The following KRIT1 variants were observed in gnomAD, a reference collection of about 807,000 sequenced individuals.
KRIT1 encodes KRIT1 ankyrin repeat containing, also known as krev interaction trapped protein 1.
Under a neutral mutation model 95.8 loss-of-function variants are expected in KRIT1, and 45 were observed. The ratio of observed to expected loss-of-function variants is 0.47; its 90% CI spans 0.37 to 0.60. The LOEUF (loss-of-function observed/expected upper bound fraction) is 0.60. KRIT1 is among the 20% of genes least tolerant of loss of function. The pLI, the probability that KRIT1 is intolerant of heterozygous loss-of-function variation, is 0.00. For synonymous variants in KRIT1, 282 were observed against 278.8 expected (o/e 1.01, Z -0.11); for missense variants, 788 against 877.5 (o/e 0.90, Z 1.29).
intron 11 of KRIT1, among the ~76,000 whole-genome samples, chr7:92,226,064 AATAAAAGTTTT>A (rs1796145104): frequency 6.6e-6 from 1 of 152,228 alleles, no homozygotes; most frequent in Non-Finnish European, 1.5e-5. Context: ...ATACAGACAT[AATAAAAGTTTT>A]AATACTATTA....
chr7:92,242,560 G>T (rs1444042577), intron 3 of KRIT1, among the ~76,000 whole-genome samples: 2 of 151,898 alleles, frequency 1.3e-5, no homozygotes, highest in African/African-American at 4.8e-5. Flanking sequence ...AATTACAAAA[G>T]TGAATGTTAG....
Position 92,220,500 on chromosome 7 carries a change from G to T in KRIT1, c.1563+1402C>A, listed in dbSNP as rs891234657. On this transcript the variant is annotated intron_variant, in intron 14 of 18. Transcript: ENST00000394505. ...ATGTTTACCAAGTTTGGACATGGCT[G>T]TTGAAATTTTCTTGTGCCAAAATTT... Among the ~76,000 whole-genome samples the T allele has an allele frequency of 2.6e-5, 4 of 152,178 alleles. 1 individual carries two copies.
chr7:92,218,554 GT>G (rs1468764799), intron 14 of KRIT1, among the ~76,000 whole-genome samples: 2 of 151,716 alleles, frequency 1.3e-5, no homozygotes, highest in African/African-American at 2.4e-5. Context: ...AATTTTTTAA[GT>G]TTTTTATAGA....
intron 5 of KRIT1, among the ~76,000 whole-genome samples, chr7:92,238,296 C>T (rs1226066550): frequency 2.0e-5 from 3 of 152,070 alleles, no homozygotes; most frequent in East Asian, 1.9e-4. Context: ...AAATAATAAC[C>T]TACAAGTCTT....
chr7:92,214,041 T>C (rs1236535515), intron 15 of KRIT1, 62 bp from the exon 16 acceptor site: 1 of 1,009,498 alleles, frequency 9.9e-7, no homozygotes, highest in African/African-American at 1.6e-5. Flanking sequence ...AGTATAGTAA[T>C]CATTCTGTTA....
At chr7:92,221,615 ACTAGT>A (rs1430194792) in intron 14 of KRIT1, among the ~76,000 whole-genome samples, 4 of 152,300 alleles carry the variant, frequency 2.6e-5, no homozygotes, top group Middle Eastern at 3.4e-3. Flanking sequence ...GTACTTCCTA[ACTAGT>A]CTAAACAATT....
rs890960848 is a variant in KRIT1 at position 92,202,543 on chromosome 7, C to T, written c.2026-1120G>A. On this transcript the variant is annotated intron_variant, in intron 17 of 18. Transcript: ENST00000394505. ...TTTTTAAGATACATATGTTTAGAAG[C>T]ATTCAGTTTCTATAAATACCAATTC... 4.6e-5 allele frequency among the ~76,000 whole-genome samples: 7 copies of T among 152,244 alleles called. No individual in the cohort carries two copies. In the East Asian group the frequency reaches 1.3e-3, roughly 29 times the overall value.
At chr7:92,239,334 C>T (rs574770632) in intron 5 of KRIT1, among the ~76,000 whole-genome samples, 1 of 152,288 alleles carries the variant, frequency 6.6e-6, no homozygotes, top group African/African-American at 2.4e-5. Flanking sequence ...TAATTCACAA[C>T]AAATTATGAC....
rs200332543 is a variant in KRIT1, at chr7:92,233,657, G to A, written c.989+792C>T. Reference sequence around the variant, plus strand: ...CCTGACCTCGTGATCCACCTGCCTCGGCCTCCCAAAGTGCTGGGATTACAG... The same window carrying A: ...CCTGACCTCGTGATCCACCTGCCTCAGCCTCCCAAAGTGCTGGGATTACAG... On this transcript the variant is annotated intron_variant, in intron 10 of 18. Coordinates refer to ENST00000394505, the MANE Select transcript of KRIT1 (RefSeq NM_194454.3). 3.4e-4 allele frequency among the ~76,000 whole-genome samples: 52 copies of A among 151,980 alleles called. No individual in the cohort carries two copies. The South Asian group carries it at 7.3e-3, about 21-fold the overall frequency.
chr7:92,208,268 C>T (rs1390505062), intron 17 of KRIT1, among the ~76,000 whole-genome samples: 2 of 151,522 alleles, frequency 1.3e-5, no homozygotes, highest in East Asian at 1.9e-4. Context: ...AGATCTCAAA[C>T]ACTTAACGAT....
In KRIT1 at chr7:92,235,726, T is replaced by C. The variant is rs1044456110; in HGVS notation, c.486-80A>G. 28 of 1,313,540 alleles carry C rather than the reference T, an allele frequency of 2.1e-5. No individual in the cohort carries two copies. In the East Asian group the frequency reaches 3.8e-4, roughly 18 times the overall value. The allele number at this position is 1,313,540 out of a possible 1,614,324, so 81.4% of individuals were successfully genotyped here. On this transcript the variant is annotated intron_variant, in intron 7 of 18. Transcript: ENST00000394505. ...GATAGATTACTATCTAACTCTGATATATGACACTTGTGAATATTACCTTCA... is the reference window on the plus strand; with the variant it reads ...GATAGATTACTATCTAACTCTGATACATGACACTTGTGAATATTACCTTCA...
intron 9 of KRIT1, 92 bp downstream of exon 9, chr7:92,234,716 T>C (rs903049648): frequency 3.8e-6 from 4 of 1,064,970 alleles, no homozygotes; most frequent in Non-Finnish European, 5.9e-6. Flanking sequence ...GTGACTACAA[T>C]GCATACAAAT....
chr7:92,204,380 A>G (rs1488347690), intron 17 of KRIT1, among the ~76,000 whole-genome samples: 2 of 152,066 alleles, frequency 1.3e-5, no homozygotes, highest in Non-Finnish European at 2.9e-5. Flanking sequence ...GTGGCAGACA[A>G]TTCTTCCACA....
chr7:92,221,752 T>G, intron 14 of KRIT1, 150 bp downstream of exon 14: 1 of 673,092 alleles, frequency 1.5e-6, no homozygotes, highest in Non-Finnish European at 2.6e-6. Context: ...AAGGGCTTTG[T>G]AAGTAGATCA....
chr7:92,224,747 CTG>C (rs1421335113), intron 12 of KRIT1, among the ~76,000 whole-genome samples: 2 of 152,120 alleles, frequency 1.3e-5, no homozygotes, highest in Non-Finnish European at 2.9e-5. Context: ...GAAAATGAGT[CTG>C]TTATATATAA....
At chr7:92,214,110 G>A (rs1472534913) in intron 15 of KRIT1, 131 bp from the exon 16 acceptor site, 2 of 660,152 alleles carry the variant, frequency 3.0e-6, no homozygotes, top group Non-Finnish European at 5.5e-6. Context: ...TAAAATATCA[G>A]AGAACTCTAA....
intron 17 of KRIT1, chr7:92,206,938 C>CAAAAAAAAA (rs199771149): frequency 2.7e-5 from 2 of 73,970 alleles, no homozygotes; most frequent in East Asian, 2.9e-4. Context: ...CCCAGGCAGA[C>CAAAAAAAAA]AAAAAAAAAA....
At chr7:92,218,360 GA>G (rs1794427904) in intron 14 of KRIT1, among the ~76,000 whole-genome samples, 1 of 151,572 alleles carries the variant, frequency 6.6e-6, no homozygotes, top group Admixed American at 6.6e-5. Flanking sequence ...TGGGATTACA[GA>G]AGTGAACCAC....
intron 2 of KRIT1, among the ~76,000 whole-genome samples, chr7:92,244,672 T>C (rs1236112917): frequency 2.0e-5 from 3 of 151,836 alleles, no homozygotes; most frequent in Non-Finnish European, 4.4e-5. Context: ...TGATAGAAAA[T>C]GAGTAGCTTG....
Sources: gnomAD v4.1 joint callset for allele counts (sites outside exome capture counted in the v4.1 genomes callset) on GRCh38, gnomAD v4.1.1 for gene constraint, MANE v1.5 for transcripts, NCBI Gene and HGNC (gene_info 2026-07-23, HGNC 2026-07-21) for gene names.